PCDHGB7: variants seen among roughly 807,000 people sequenced by gnomAD.
The protein encoded by PCDHGB7 is protocadherin gamma-B7.
In PCDHGB7, 37 loss-of-function variants were observed where a neutral mutation model predicts 61.4. That is an observed-to-expected ratio of 0.60 (90% CI 0.46 to 0.79). The LOEUF (loss-of-function observed/expected upper bound fraction) is 0.79, where lower values mean the gene tolerates loss of function less well. Among genes scored for constraint, PCDHGB7 ranks in the 30% least tolerant of loss-of-function variants. The probability of loss-of-function intolerance (pLI) is 0.00; values close to 1 mark genes in which losing one functional copy is unlikely to be tolerated. For synonymous variants in PCDHGB7, 464 were observed against 503.5 expected (o/e 0.92, Z 1.05); for missense variants, 1,166 against 1,202.5 (o/e 0.97, Z 0.45).
rs2096431329 is a variant in PCDHGB7, at chr5:141,419,774, C to T, written c.1915C>T (p.Arg639Cys). The change falls in exon 1 of 4, where the codon CGC (arginine) becomes TGC (cysteine). Residue 639 changes from arginine to cysteine, a missense_variant. Arg to Cys is a radical substitution (Grantham distance 180). Coordinates refer to ENST00000398594, the MANE Select transcript of PCDHGB7 (RefSeq NM_018927.4). The part of the protein sequence containing the change: ...VRALGDKDSV[R>C]QRLLVAVRDG... Reference sequence around the variant, plus strand: ...TGCTTTGGGTGACAAGGACTCGGTCCGCCAGCGCCTGCTAGTCGCTGTAAG... The same window carrying T: ...TGCTTTGGGTGACAAGGACTCGGTCTGCCAGCGCCTGCTAGTCGCTGTAAG... 1 of 1,613,902 alleles carries T rather than the reference C, an allele frequency of 6.2e-7. No individual in the cohort carries two copies. Among genetic ancestry groups the T allele is most frequent in the Admixed American group, 1.7e-5 (1 of 60,014 alleles).
rs777780708 is a variant in PCDHGB7, at chr5:141,489,934, G to C, written c.2416-4873G>C. ...AGGGACCACCCTTATCTCTGTCATC[G>C]TGCTGGACATCAATGATAATGCTCC... On this transcript the variant is annotated intron_variant, in intron 1 of 3. Transcript: ENST00000398594. The surrounding 1 kb of genome is among the most constrained non-coding windows in gnomAD (Gnocchi z 4.5). The C allele has an allele frequency of 1.4e-5, 23 of 1,614,176 alleles. No homozygotes were observed. Among genetic ancestry groups the C allele is most frequent in the Non-Finnish European group, 1.8e-5 (21 of 1,180,030 alleles).
chr5:141,491,937 AC>A lies in PCDHGB7; in HGVS notation c.2416-2865del. ...CTGTGGGCGAGGGGAGGTGGGACCG[AC>A]CCCCACCCCTACACTCAAAAAAGGC... On this transcript the variant is annotated intron_variant, in intron 1 of 3. Transcript: ENST00000398594. This position sits in a 1 kb window ranked among gnomAD's most constrained non-coding sequence, Gnocchi z 6.9. The A allele has an allele frequency of 3.4e-6, 4 of 1,164,304 alleles. No homozygotes were observed. Among genetic ancestry groups the A allele is most frequent in the Non-Finnish European group, 4.7e-6 (4 of 858,404 alleles). The allele number at this position is 1,164,304 out of a possible 1,614,324, so 72.1% of individuals were successfully genotyped here.
At chr5:141,481,703 C>T (rs909197135) in intron 1 of PCDHGB7, among the ~76,000 whole-genome samples, 1 of 152,090 alleles carries the variant, frequency 6.6e-6, no homozygotes, top group Admixed American at 6.5e-5. Context: ...CCTGTAATCC[C>T]AGCACTTTGG....
In PCDHGB7 at chr5:141,454,796, A is replaced by ATTTTTTTTTTTTTTTTTTT. The variant is rs61612330; in HGVS notation, c.2415+34533_2415+34551dup. Among the ~76,000 whole-genome samples the ATTTTTTTTTTTTTTTTTTT allele has an allele frequency of 2.8e-4, 22 of 77,458 alleles. 2 individuals are homozygous for ATTTTTTTTTTTTTTTTTTT. Among genetic ancestry groups the ATTTTTTTTTTTTTTTTTTT allele is most frequent in the East Asian group, 4.0e-4 (1 of 2,512 alleles). The allele number at this position is 77,458 out of a possible 152,430, so 50.8% of individuals were successfully genotyped here. The stretch of plus-strand genomic sequence containing the variant: ...AAGGAAATAATCCTCCATGGTTCTA[A>ATTTTTTTTTTTTTTTTTTT]TTTTTTTTTTTTTTTTTTTTTTTTT... On this transcript the variant is annotated intron_variant, in intron 1 of 3. Coordinates refer to ENST00000398594, the MANE Select transcript of PCDHGB7 (RefSeq NM_018927.4).
chr5:141,468,180 C>T (rs1053758210), intron 1 of PCDHGB7, among the ~76,000 whole-genome samples: 4 of 151,744 alleles, frequency 2.6e-5, no homozygotes, highest in Non-Finnish European at 5.9e-5. Context: ...GAAAAATTTG[C>T]TGGGCATGGT....
intron 1 of PCDHGB7, among the ~76,000 whole-genome samples, chr5:141,470,451 T>C (rs2099230860): frequency 6.6e-6 from 1 of 152,210 alleles, no homozygotes; most frequent in Non-Finnish European, 1.5e-5. Context: ...AATAGCATCT[T>C]GAATAGGATT....
intron 1 of PCDHGB7, among the ~76,000 whole-genome samples, chr5:141,466,748 G>A (rs562859284): frequency 6.6e-6 from 1 of 152,238 alleles, no homozygotes; most frequent in South Asian, 2.1e-4. Context: ...TACTCTGATA[G>A]GGGCTCTTTT....
At position 141,512,523 on chromosome 5, in the gene PCDHGB7, T is replaced by A. The variant is rs1222752176; in HGVS notation, c.*1350T>A. 6.5e-6 allele frequency: 1 copy of A among 152,848 alleles called. No homozygotes were observed. The highest frequency in any genetic ancestry group is 1.5e-5 in the Non-Finnish European group (1 of 68,240). 9.5% of individuals were successfully genotyped at this position (152,848 alleles called of 1,614,324 possible). A position where few individuals can be genotyped will look rare whatever the true frequency, so the allele number is the denominator to read the frequency against. The stretch of plus-strand genomic sequence containing the variant: ...AGTGCGCCCCCTAGTGGCCATAGCC[T>A]GGTTAAAGTTCCCCAGTGCCTCCTT... On this transcript the variant is annotated 3_prime_UTR_variant, in exon 4 of 4. Transcript: ENST00000398594.
At chr5:141,470,202 A>G (rs928782890) in intron 1 of PCDHGB7, among the ~76,000 whole-genome samples, 9 of 152,216 alleles carry the variant, frequency 5.9e-5, no homozygotes, top group Non-Finnish European at 1.2e-4. Flanking sequence ...GATAAATATG[A>G]AGGCTAAACC....
intron 1 of PCDHGB7, chr5:141,423,302 T>G (rs1221185261): frequency 6.2e-7 from 1 of 1,614,144 alleles, no homozygotes. Context: ...GACCTCTCGC[T>G]GTACTTGGTG....
Position 141,476,908 on chromosome 5 carries a change from A to T in PCDHGB7, c.2416-17899A>T. ...ATGCACCCTCCGGCACGCGCGTGGT[A>T]CAAGTCCTTGCAACGGATCTGGATG... is the stretch of plus-strand genomic sequence containing the variant. On this transcript the variant is annotated intron_variant, in intron 1 of 3. Coordinates refer to ENST00000398594, the MANE Select transcript of PCDHGB7 (RefSeq NM_018927.4). This position sits in a 1 kb window ranked among gnomAD's most constrained non-coding sequence, Gnocchi z 7.6. The T allele has an allele frequency of 1.2e-6, 2 of 1,614,050 alleles. No individual in the cohort carries two copies. The highest frequency in any genetic ancestry group is 1.7e-6 in the Non-Finnish European group (2 of 1,180,038).
intron 2 of PCDHGB7, among the ~76,000 whole-genome samples, chr5:141,495,703 GGAGT>G (rs2099763108): frequency 6.6e-6 from 1 of 152,098 alleles, no homozygotes; most frequent in South Asian, 2.1e-4. Context: ...CAATAAATGT[GGAGT>G]GAGTAACTAC....
chr5:141,432,873 T>A lies in PCDHGB7; in HGVS notation c.2415+12599T>A, dbSNP rs753576338. ...GTGGCCGCGGTCTCCTGCGTCTTCCTGGCCTTCGTCATCTTGCTGCTGGCG... is the reference window on the plus strand; with the variant it reads ...GTGGCCGCGGTCTCCTGCGTCTTCCAGGCCTTCGTCATCTTGCTGCTGGCG... On this transcript the variant is annotated intron_variant, in intron 1 of 3. Transcript: ENST00000398594. This position sits in a 1 kb window ranked among gnomAD's most constrained non-coding sequence, Gnocchi z 6.0. 1.4e-5 allele frequency: 22 copies of A among 1,614,204 alleles called. No individual in the cohort carries two copies. The highest frequency in any genetic ancestry group is 3.3e-4 in the Middle Eastern group (2 of 6,062).
intron 1 of PCDHGB7, among the ~76,000 whole-genome samples, chr5:141,479,935 A>C (rs1226362422): frequency 1.3e-5 from 2 of 152,232 alleles, no homozygotes. Context: ...CATCATTGCT[A>C]TCAACTCTTG....
intron 2 of PCDHGB7, among the ~76,000 whole-genome samples, chr5:141,501,324 CA>C (rs1311475307): frequency 7.2e-5 from 11 of 151,778 alleles, no homozygotes; most frequent in African/African-American, 1.9e-4. Flanking sequence ...CACACACACA[CA>C]CACACACACC....
chr5:141,444,151 G>T (rs1031944414), intron 1 of PCDHGB7, among the ~76,000 whole-genome samples: 1 of 92,746 alleles, frequency 1.1e-5, no homozygotes, highest in Non-Finnish European at 2.1e-5. Flanking sequence ...GTGTGTACTG[G>T]ATTTTTTTTT....
chr5:141,485,383 G>C lies in PCDHGB7; in HGVS notation c.2416-9424G>C. 6.2e-7 allele frequency: 1 copy of C among 1,614,128 alleles called. No individual in the cohort carries two copies. Among genetic ancestry groups the C allele is most frequent in the Non-Finnish European group, 8.5e-7 (1 of 1,180,020 alleles). On this transcript the variant is annotated intron_variant, in intron 1 of 3. Coordinates refer to ENST00000398594, the MANE Select transcript of PCDHGB7 (RefSeq NM_018927.4). The surrounding 1 kb of genome is among the most constrained non-coding windows in gnomAD (Gnocchi z 5.7). Reference sequence around the variant, plus strand: ...GCAGGCTGCAGGTCGCTGGAGAGGTGAACCAAAGACACTTCCGTGTGGATT... The same window carrying C: ...GCAGGCTGCAGGTCGCTGGAGAGGTCAACCAAAGACACTTCCGTGTGGATT...
chr5:141,473,117 C>A (rs976493841), intron 1 of PCDHGB7, among the ~76,000 whole-genome samples: 4 of 152,140 alleles, frequency 2.6e-5, no homozygotes, highest in Admixed American at 1.3e-4. Flanking sequence ...CTTTACTTGG[C>A]TCTTTGGCAA....
chr5:141,423,241 G>A (rs1485226833), intron 1 of PCDHGB7: 19 of 1,613,954 alleles, frequency 1.2e-5, no homozygotes, highest in Non-Finnish European at 1.4e-5. Flanking sequence ...CATCCCCGAA[G>A]TCCTGGCGGA....
Sources: allele counts gnomAD v4.1 joint callset (sites outside exome capture counted in the v4.1 genomes callset), GRCh38; gene constraint gnomAD v4.1.1; non-coding constraint Gnocchi (gnomAD v3.1); transcripts MANE v1.5; gene names NCBI Gene and HGNC (gene_info 2026-07-23, HGNC 2026-07-21).